CAVIN2: variants seen among roughly 807,000 people sequenced by gnomAD.
The protein encoded by CAVIN2 is caveolae associated protein 2, also known as caveolae-associated protein 2.
Under a neutral mutation model 11.7 loss-of-function variants are expected in CAVIN2, and 13 were observed. The observed-to-expected ratio is 1.11, with a 90% CI of 0.72 to 1.77. The LOEUF (loss-of-function observed/expected upper bound fraction) is 1.77, where lower values mean the gene tolerates loss of function less well. CAVIN2 is among the 40% of genes most tolerant of loss of function. The probability of loss-of-function intolerance (pLI) is 0.00; values close to 1 mark genes in which losing one functional copy is unlikely to be tolerated. For missense variants in CAVIN2, 549 were observed against 542.9 expected (o/e 1.01, Z -0.11); for synonymous variants, 237 against 223.2 (o/e 1.06, Z -0.55).
chr2:191,846,438 C>T lies in CAVIN2; in HGVS notation c.483+5G>A. 1 of 1,608,304 alleles carries T rather than the reference C, an allele frequency of 6.2e-7. No homozygotes were observed. Among genetic ancestry groups the T allele is most frequent in the Non-Finnish European group, 8.5e-7 (1 of 1,176,618 alleles). On this transcript the variant is annotated splice_donor_5th_base_variant and intron_variant, in intron 1 of 1. Transcript: ENST00000304141. The stretch of plus-strand genomic sequence containing the variant: ...CGCCTGTAAGGAGGCATAGGGGGAA[C>T]TGACCTGGAAGATGAGCACTTTGAA...
chr2:191,839,603 A>C (rs1205728031), intron 1 of CAVIN2, among the ~76,000 whole-genome samples: 2 of 152,210 alleles, frequency 1.3e-5, no homozygotes, highest in African/African-American at 4.8e-5. Context: ...AAATTATATG[A>C]GAGCTTTTTT....
At chr2:191,842,497 A>AT (rs1427283493) in intron 1 of CAVIN2, among the ~76,000 whole-genome samples, 14 of 152,104 alleles carry the variant, frequency 9.2e-5, no homozygotes, top group Non-Finnish European at 1.9e-4. Context: ...TACAAATTCT[A>AT]TTTTTTCTTT....
In CAVIN2 at chr2:191,846,988, C is replaced by A; in HGVS notation, c.-63G>T. 1 of 1,536,974 alleles carries A rather than the reference C, an allele frequency of 6.5e-7. No individual in the cohort carries two copies. Among genetic ancestry groups the A allele is most frequent in the Non-Finnish European group, 8.7e-7 (1 of 1,150,568 alleles). Reference sequence around the variant, plus strand: ...TGCTTCTTGCTCGGGTGAGAAGTTGCGGTGGTGAGGGTGTAGGATGAGGCC... The same window carrying A: ...TGCTTCTTGCTCGGGTGAGAAGTTGAGGTGGTGAGGGTGTAGGATGAGGCC... On this transcript the variant is annotated 5_prime_UTR_variant, in exon 1 of 2. Coordinates refer to ENST00000304141, the MANE Select transcript of CAVIN2 (RefSeq NM_004657.6).
At chr2:191,838,987 G>A (rs1690057620) in intron 1 of CAVIN2, among the ~76,000 whole-genome samples, 1 of 152,224 alleles carries the variant, frequency 6.6e-6, no homozygotes, top group Non-Finnish European at 1.5e-5. Flanking sequence ...CCATTTTTAA[G>A]GAAGGATTTT....
intron 1 of CAVIN2, among the ~76,000 whole-genome samples, chr2:191,845,310 A>G (rs1439364361): frequency 6.6e-6 from 1 of 152,210 alleles, no homozygotes; most frequent in African/African-American, 2.4e-5. Context: ...TTGGCAGAGC[A>G]GATTCATTTT....
At chr2:191,840,712 T>A (rs1690080773) in intron 1 of CAVIN2, among the ~76,000 whole-genome samples, 1 of 152,160 alleles carries the variant, frequency 6.6e-6, no homozygotes, top group Admixed American at 6.5e-5. Context: ...TGTGTACATA[T>A]CTAAATACCT....
chr2:191,836,250 G>A lies in CAVIN2; in HGVS notation c.951C>T (p.Asp317=), dbSNP rs1559028968. The A allele has an allele frequency of 1.9e-6, 3 of 1,613,970 alleles. No homozygotes were observed. Among genetic ancestry groups the A allele is most frequent in the Non-Finnish European group, 2.5e-6 (3 of 1,180,040 alleles). The change falls in exon 2 of 2, where the codon GAC becomes GAT. Residue 317 remains aspartate (D), a synonymous_variant. Coordinates refer to ENST00000304141, the MANE Select transcript of CAVIN2 (RefSeq NM_004657.6). ...TTGGCATCTGCTCACTGCTAGGCAG[G>A]TCTTCTGACTTGGTCTCATTTTCTG... is the stretch of plus-strand genomic sequence containing the variant. ...SHAENETKSE[D]LPSSEQMPND...
At position 191,835,862 on chromosome 2, in the gene CAVIN2, T is replaced by G; in HGVS notation, c.*61A>C. 4 of 1,514,102 alleles carry G rather than the reference T, an allele frequency of 2.6e-6. No homozygotes were observed. The highest frequency in any genetic ancestry group is 2.7e-6 in the Non-Finnish European group (3 of 1,122,720). 93.8% of individuals were successfully genotyped at this position (1,514,102 alleles called of 1,614,324 possible). On this transcript the variant is annotated 3_prime_UTR_variant, in exon 2 of 2. Transcript: ENST00000304141. ...AGTCGTGCTGGAGATGTGCAAGAGT[T>G]TGTTCTTCAGCCCTGGCTGCCCGCT...
At chr2:191,843,127 T>G (rs988093704) in intron 1 of CAVIN2, among the ~76,000 whole-genome samples, 9 of 152,298 alleles carry the variant, frequency 5.9e-5, no homozygotes, top group African/African-American at 2.2e-4. Context: ...GAGTTTGTAG[T>G]GAGCTGAGAT....
chr2:191,846,344 C>G (rs1690164795), intron 1 of CAVIN2, 99 bp downstream of exon 1: 1 of 1,378,802 alleles, frequency 7.3e-7, no homozygotes, highest in Admixed American at 2.4e-5. Flanking sequence ...CCCTGACAGG[C>G]AGGACAAATG....
chr2:191,836,553 T>C lies in CAVIN2; in HGVS notation c.648A>G (p.Glu216=). The part of the protein sequence containing the change: ...DDLPHDEEAL[E]DSAEEKVEES... ...CTTCCACCTTTTCCTCGGCACTGTCTTCCAGGGCCTCCTCATCGTGGGGCA... is the reference window on the plus strand; with the variant it reads ...CTTCCACCTTTTCCTCGGCACTGTCCTCCAGGGCCTCCTCATCGTGGGGCA... Residue 216 remains glutamate (E), a synonymous_variant, in exon 2 of 2, where the codon GAA becomes GAG. Coordinates refer to ENST00000304141, the MANE Select transcript of CAVIN2 (RefSeq NM_004657.6). 1 of 1,614,172 alleles carries C rather than the reference T, an allele frequency of 6.2e-7. No individual in the cohort carries two copies. The highest frequency in any genetic ancestry group is 8.5e-7 in the Non-Finnish European group (1 of 1,180,034).
rs748308301 is a variant in CAVIN2 at position 191,836,133 on chromosome 2, A to T, written c.1068T>A (p.Ala356=). 1.2e-6 allele frequency: 2 copies of T among 1,614,160 alleles called. No individual in the cohort carries two copies. The highest frequency in any genetic ancestry group is 1.7e-6 in the Non-Finnish European group (2 of 1,180,030). ...TACTCCCCCTGGAGGTCGCCTTCTC[A>T]GCAGCCTCCTCTGCAATTTCCCCTT... The part of the protein sequence containing the change: ...LVEGEIAEEA[A]EKATSRGSNS... The change falls in exon 2 of 2, where the codon GCT becomes GCA. Residue 356 remains alanine (A), a synonymous_variant. Transcript: ENST00000304141.
rs1320675049 is a variant in CAVIN2, at chr2:191,836,384, TC to T, written c.816del (p.Lys273AsnfsTer102). 1.9e-6 allele frequency: 3 copies of T among 1,614,070 alleles called. No individual in the cohort carries two copies. Among genetic ancestry groups the T allele is most frequent in the Non-Finnish European group, 2.5e-6 (3 of 1,180,028 alleles). ...IVSVERREKI[K>X]KSLTSNHQKI... ...TTCTGGTGATTTGACGTGAGAGATT[TC>T]TTAATCTTCTCTCTCCTCTCTACAG... On this transcript the variant is annotated frameshift_variant, in exon 2 of 2. Coordinates refer to ENST00000304141, the MANE Select transcript of CAVIN2 (RefSeq NM_004657.6). LOFTEE classifies it low-confidence loss of function (END_TRUNC).
chr2:191,836,818 T>TA (rs959166341), intron 1 of CAVIN2, 101 bp from the exon 2 acceptor site: 15 of 1,123,398 alleles, frequency 1.3e-5, no homozygotes, highest in African/African-American at 9.5e-5. Flanking sequence ...ACGGTGATGG[T>TA]AAAAAAACAA....
intron 1 of CAVIN2, among the ~76,000 whole-genome samples, chr2:191,838,260 T>A (rs1690049096): frequency 1.3e-5 from 2 of 152,230 alleles, no homozygotes; most frequent in African/African-American, 4.8e-5. Flanking sequence ...AGTGTCACTT[T>A]ATATTTGATA....
chr2:191,842,544 G>T (rs1435438856), intron 1 of CAVIN2, among the ~76,000 whole-genome samples: 1 of 152,166 alleles, frequency 6.6e-6, no homozygotes, highest in Non-Finnish European at 1.5e-5. Context: ...CAAAGTCTCA[G>T]TCTTTCTTTA....
Position 191,835,883 on chromosome 2 carries a change from C to T in CAVIN2, c.*40G>A. On this transcript the variant is annotated 3_prime_UTR_variant, in exon 2 of 2. Coordinates refer to ENST00000304141, the MANE Select transcript of CAVIN2 (RefSeq NM_004657.6). ...GAGTTTGTTCTTCAGCCCTGGCTGC[C>T]CGCTTGAGCACAGCACAGGATGGCA... The T allele has an allele frequency of 1.3e-6, 2 of 1,566,266 alleles. No homozygotes were observed. The highest frequency in any genetic ancestry group is 1.7e-6 in the Non-Finnish European group (2 of 1,157,750).
At chr2:191,838,904 A>G (rs1400880713) in intron 1 of CAVIN2, among the ~76,000 whole-genome samples, 1 of 152,250 alleles carries the variant, frequency 6.6e-6, no homozygotes, top group African/African-American at 2.4e-5. Flanking sequence ...CTCTGTGTCT[A>G]GAAGGAAGTT....
rs1240438101 is a variant in CAVIN2, at chr2:191,834,680, A to T, written c.*1243T>A. 6.6e-6 allele frequency: 1 copy of T among 152,204 alleles called. No homozygotes were observed. Among genetic ancestry groups the T allele is most frequent in the African/African-American group, 2.4e-5 (1 of 41,466 alleles). 9.4% of individuals were successfully genotyped at this position (152,204 alleles called of 1,614,324 possible). ...AATTACCCTGTCTGAATATATGTGT[A>T]CATATACATAAAACGCTAGCATGCT... On this transcript the variant is annotated 3_prime_UTR_variant, in exon 2 of 2. Transcript: ENST00000304141.
Sources: allele counts gnomAD v4.1 joint callset (sites outside exome capture counted in the v4.1 genomes callset), GRCh38; gene constraint gnomAD v4.1.1; transcripts MANE v1.5; gene names NCBI Gene and HGNC (gene_info 2026-07-23, HGNC 2026-07-21).